Variants in OTOF observed in about 807,000 individuals in gnomAD.
OTOF encodes otoferlin.
OTOF carries 218 observed loss-of-function variants against 236.8 expected under a neutral mutation model. That is an observed-to-expected ratio of 0.92 (90% CI 0.82 to 1.03). The LOEUF is 1.03. Ranked by LOEUF, OTOF falls within the 50% of genes least tolerant of loss-of-function variation. The pLI is 0.00. For synonymous variants in OTOF, 1,041 were observed against 1,072.5 expected (o/e 0.97, Z 0.57); for missense variants, 2,590 against 2,694.4 (o/e 0.96, Z 0.86).
chr2:26,499,193 AG>A (rs1432143101), intron 8 of OTOF, among the ~76,000 whole-genome samples: 1 of 152,148 alleles, frequency 6.6e-6, no homozygotes, highest in South Asian at 2.1e-4. Flanking sequence ...GCACATTCAC[AG>A]GGGGGTGACT....
intron 2 of OTOF, among the ~76,000 whole-genome samples, chr2:26,533,976 C>T (rs1667008865): frequency 6.6e-6 from 1 of 152,136 alleles, no homozygotes; most frequent in Non-Finnish European, 1.5e-5. Flanking sequence ...CCTCTTGGCT[C>T]AGAAGGCCCA....
chr2:26,477,728 G>T lies in OTOF; in HGVS notation c.2236C>A (p.Gln746Lys). 1 of 1,612,712 alleles carries T rather than the reference G, an allele frequency of 6.2e-7. No individual in the cohort carries two copies. Among genetic ancestry groups the T allele is most frequent in the Non-Finnish European group, 8.5e-7 (1 of 1,179,952 alleles). Residue 746 changes from glutamine (Q) to lysine (K), a missense_variant, in exon 19 of 47, where the codon CAG (glutamine) becomes AAG (lysine). This residue lies in a region of OTOF where 1,379 missense variants were observed against 1,341.6 expected (regional missense o/e 1.03). Transcript: ENST00000272371. The surrounding 1 kb of genome is among the most constrained non-coding windows in gnomAD (Gnocchi z 4.7). ...GACTTCTCCGTTTTGATCATCTCCT[G>T]TATGTCGTTCAGGCCTTCTTCCTGT... is the stretch of plus-strand genomic sequence containing the variant. ...DKLEEGLNDIQEMIKTEKSYP... is the reference protein window; with the variant it reads ...DKLEEGLNDIKEMIKTEKSYP...
At chr2:26,484,307 C>A (rs551332396) in intron 12 of OTOF, among the ~76,000 whole-genome samples, 167 bp downstream of exon 12, 3 of 152,230 alleles carry the variant, frequency 2.0e-5, no homozygotes, top group Non-Finnish European at 4.4e-5. Flanking sequence ...TCCTCCATCA[C>A]CCCCTGCCCC....
Position 26,537,720 on chromosome 2 carries a change from T to C in OTOF, c.134A>G (p.Asp45Gly), listed in dbSNP as rs1361597258. The change falls in exon 2 of 47, where the codon GAT (aspartate) becomes GGT (glycine). Residue 45 changes from aspartate (D) to glycine (G), a missense_variant. Transcript: ENST00000272371. ...LENCEDVADF[D>G]ETFRWPVASS... ...GGGGAGTCTTGGGCCTCCTACCTCATCAAAGTCAGCCACATCCTCACAGTT... is the reference window on the plus strand; with the variant it reads ...GGGGAGTCTTGGGCCTCCTACCTCACCAAAGTCAGCCACATCCTCACAGTT... 1.3e-6 allele frequency: 2 copies of C among 1,553,664 alleles called. No individual in the cohort carries two copies.
Position 26,482,449 on chromosome 2 carries a change from G to A in OTOF, c.1536C>T (p.Thr512=). ...SDKVNDVAIG[T]HFIDLRKISN... is the part of the protein sequence containing the mutation. ...AAATCTTGCGCAGGTCAATGAAGTG[G>A]GTGCCGATGGCCACGTCGTTGACCT... The change falls in exon 14 of 47, where the codon ACC becomes ACT. Residue 512 remains threonine, a synonymous_variant. Coordinates refer to ENST00000272371, the MANE Select transcript of OTOF (RefSeq NM_194248.3). 3.1e-6 allele frequency: 5 copies of A among 1,613,340 alleles called. No homozygotes were observed. The highest frequency in any genetic ancestry group is 4.2e-6 in the Non-Finnish European group (5 of 1,180,012).
At chr2:26,513,429 T>G (rs1031521977) in intron 5 of OTOF, among the ~76,000 whole-genome samples, 5 of 152,098 alleles carry the variant, frequency 3.3e-5, no homozygotes, top group Non-Finnish European at 7.4e-5. Context: ...CCTCCATCCG[T>G]GGAAGATTCC....
chr2:26,541,197 G>A (rs923380353), intron 1 of OTOF, among the ~76,000 whole-genome samples: 1 of 152,190 alleles, frequency 6.6e-6, no homozygotes, highest in East Asian at 1.9e-4. Context: ...GCTCCAAGGT[G>A]GTGTCAGATT....
chr2:26,491,381 G>A (rs1309429760), intron 9 of OTOF, among the ~76,000 whole-genome samples: 2 of 152,176 alleles, frequency 1.3e-5, no homozygotes, highest in African/African-American at 2.4e-5. Context: ...GAGGGAAAAA[G>A]GAGGTCACTG....
intron 2 of OTOF, among the ~76,000 whole-genome samples, chr2:26,533,949 G>A (rs1482698596): frequency 1.3e-5 from 2 of 152,060 alleles, no homozygotes; most frequent in Non-Finnish European, 1.5e-5. Context: ...CATCCCCCAG[G>A]CTGGAGACCT....
intron 5 of OTOF, 61 bp downstream of exon 5, chr2:26,516,357 C>T: frequency 1.3e-6 from 2 of 1,499,410 alleles, no homozygotes; most frequent in South Asian, 2.4e-5. Flanking sequence ...TAGGACCAGG[C>T]CCCAGGTCTC....
chr2:26,542,346 G>A (rs1022774494), intron 1 of OTOF, among the ~76,000 whole-genome samples: 1 of 152,202 alleles, frequency 6.6e-6, no homozygotes, highest in African/African-American at 2.4e-5. Context: ...ACAGAGGGGA[G>A]TTGTACTAAG....
rs1331512457 is a variant in OTOF at position 26,460,285 on chromosome 2, A to C, written c.5814-80T>G. 8.5e-7 allele frequency: 1 copy of C among 1,182,348 alleles called. No individual in the cohort carries two copies. Among genetic ancestry groups the C allele is most frequent in the Non-Finnish European group, 1.2e-6 (1 of 812,512 alleles). 73.2% of individuals were successfully genotyped at this position (1,182,348 alleles called of 1,614,324 possible). On this transcript the variant is annotated intron_variant, in intron 45 of 46. Coordinates refer to ENST00000272371, the MANE Select transcript of OTOF (RefSeq NM_194248.3). This position sits in a 1 kb window ranked among gnomAD's most constrained non-coding sequence, Gnocchi z 5.3. ...GGTGTGGCGAGGGGCCAAGACCAAG[A>C]GGGAAGCTGTCCTGGGCTGTGTGTG...
chr2:26,516,712 G>A (rs949306776), intron 4 of OTOF, 113 bp from the exon 5 acceptor site: 7 of 1,104,712 alleles, frequency 6.3e-6, no homozygotes, highest in Admixed American at 5.5e-5. Flanking sequence ...TGCCTCACTG[G>A]AGGAGGTCAG....
intron 46 of OTOF, 36 bp downstream of exon 46, chr2:26,459,972 C>A (rs1198936273): frequency 3.9e-6 from 6 of 1,548,368 alleles, no homozygotes; most frequent in Admixed American, 2.0e-5. Context: ...GCCTGCCTAG[C>A]CCTTGGTCCA....
At chr2:26,518,450 T>C (rs909208596) in intron 4 of OTOF, among the ~76,000 whole-genome samples, 3 of 152,208 alleles carry the variant, frequency 2.0e-5, no homozygotes, top group Non-Finnish European at 4.4e-5. Context: ...ACGGCTGAGC[T>C]CAAGAGGACT....
intron 9 of OTOF, among the ~76,000 whole-genome samples, chr2:26,492,537 G>A (rs1449156678): frequency 3.9e-5 from 6 of 152,328 alleles, no homozygotes; most frequent in East Asian, 3.9e-4. Flanking sequence ...GGGGACCTGC[G>A]CAGGGCGGAA....
chr2:26,488,743 T>A (rs868634213), intron 11 of OTOF, among the ~76,000 whole-genome samples: 1 of 152,178 alleles, frequency 6.6e-6, no homozygotes, highest in Non-Finnish European at 1.5e-5. Context: ...GAGCCTCAAC[T>A]GTAAAAGGGG....
intron 2 of OTOF, among the ~76,000 whole-genome samples, chr2:26,532,960 C>T (rs1280976183): frequency 6.6e-6 from 1 of 152,174 alleles, no homozygotes; most frequent in Non-Finnish European, 1.5e-5. Flanking sequence ...AGATGCACTA[C>T]AAAGCTTTAG....
At chr2:26,500,425 T>C (rs1304774688) in intron 8 of OTOF, among the ~76,000 whole-genome samples, 1 of 152,124 alleles carries the variant, frequency 6.6e-6, no homozygotes, top group Admixed American at 6.5e-5. Flanking sequence ...GATACCTGAG[T>C]TGGGGTCGTT....
Sources: allele counts gnomAD v4.1 joint callset (sites outside exome capture counted in the v4.1 genomes callset), GRCh38; gene constraint gnomAD v4.1.1; regional missense constraint gnomAD v4.1.1; non-coding constraint Gnocchi (gnomAD v3.1); transcripts MANE v1.5; gene names NCBI Gene and HGNC (gene_info 2026-07-23, HGNC 2026-07-21).